DIAPH2: variants seen among roughly 807,000 people sequenced by gnomAD.
The protein encoded by DIAPH2 is protein diaphanous homolog 2.
A neutral mutation model predicts 92.7 loss-of-function variants in DIAPH2; 35 were observed. That is an observed-to-expected ratio of 0.38 (90% CI 0.29 to 0.50). DIAPH2 has a LOEUF of 0.50. Ranked by LOEUF, DIAPH2 falls within the 20% of genes least tolerant of loss-of-function variation. The pLI is 0.94. For missense variants in DIAPH2, 701 were observed against 819.5 expected (o/e 0.86, Z 1.77); for synonymous variants, 301 against 280.4 (o/e 1.07, Z -0.73).
In DIAPH2 at chrX:96,722,803, G is replaced by A. The variant is rs965935450; in HGVS notation, c.133-12955G>A. 3.6e-5 allele frequency among the ~76,000 whole-genome samples: 4 copies of A among 111,658 alleles called. No individual in the cohort carries two copies. In the Admixed American group the frequency reaches 3.8e-4, roughly 11 times the overall value. On this transcript the variant is annotated intron_variant, in intron 1 of 26. Transcript: ENST00000324765. ...GGGAGTAATAAAAAATTCCACTTTT[G>A]TGGTGTTTCCAGGTTTTTTCAAGCA... is the stretch of plus-strand genomic sequence containing the variant.
At chrX:96,732,552 T>G (rs1282174808) in intron 1 of DIAPH2, among the ~76,000 whole-genome samples, 2 of 112,196 alleles carry the variant, frequency 1.8e-5, no homozygotes, top group African/African-American at 6.5e-5. Context: ...TTGAATGAAA[T>G]TTACAAATCA....
intron 22 of DIAPH2, among the ~76,000 whole-genome samples, chrX:97,216,467 G>T (rs948523675): frequency 3.7e-5 from 4 of 107,023 alleles, no homozygotes; most frequent in South Asian, 8.4e-4. Flanking sequence ...ACCATGCCTG[G>T]CTAATTTTTT....
At chrX:97,048,789 C>G (rs140152562) in intron 17 of DIAPH2, among the ~76,000 whole-genome samples, 3,933 of 110,816 alleles carry the variant, frequency 0.035, 85 homozygotes, top group Middle Eastern at 0.083. Context: ...CTTATAAATT[C>G]CCATTTTTCA....
intron 26 of DIAPH2, among the ~76,000 whole-genome samples, chrX:97,598,661 T>C (rs1444763564): frequency 8.9e-6 from 1 of 111,819 alleles, no homozygotes; most frequent in Non-Finnish European, 1.9e-5. Context: ...TTATTCTTCC[T>C]GTGATGGGTG....
At chrX:97,275,688 G>A (rs1772338565) in intron 23 of DIAPH2, among the ~76,000 whole-genome samples, 1 of 108,571 alleles carries the variant, frequency 9.2e-6, no homozygotes, top group African/African-American at 3.4e-5. Context: ...CGGGGCGGCG[G>A]GGCAGAGGCA....
chrX:97,297,250 T>C lies in DIAPH2; in HGVS notation c.2844+49411T>C, dbSNP rs1459612647. Among the ~76,000 whole-genome samples the C allele has an allele frequency of 3.7e-5, 4 of 109,333 alleles. No homozygotes were observed. The East Asian group carries it at 1.1e-3, about 31-fold the overall frequency. The allele number at this position is 109,333 out of a possible 115,157, so 94.9% of individuals were successfully genotyped here. On this transcript the variant is annotated intron_variant, in intron 23 of 26. Transcript: ENST00000324765. ...AAACCAGAACTGTAAGATGGCCTTT[T>C]GGAAATAATTTTCTTAAAGAGCATA...
intron 4 of DIAPH2, among the ~76,000 whole-genome samples, chrX:96,760,253 A>C (rs951013772): frequency 1.8e-5 from 2 of 111,735 alleles, no homozygotes; most frequent in African/African-American, 6.5e-5. Flanking sequence ...TATCATTAAA[A>C]CCACAAAAAT....
intron 17 of DIAPH2, among the ~76,000 whole-genome samples, chrX:96,985,874 T>C (rs1053350512): frequency 9.0e-6 from 1 of 111,143 alleles, no homozygotes; most frequent in Non-Finnish European, 1.9e-5. Flanking sequence ...GGTTTTGAGT[T>C]CCAAGGTCAT....
chrX:97,562,592 G>T (rs1174774734), intron 26 of DIAPH2, among the ~76,000 whole-genome samples: 1 of 111,225 alleles, frequency 9.0e-6, no homozygotes, highest in Non-Finnish European at 1.9e-5. Flanking sequence ...GCTTGCATGA[G>T]GCTGAGCCAG....
intron 22 of DIAPH2, among the ~76,000 whole-genome samples, chrX:97,209,359 T>C (rs922479930): frequency 7.2e-5 from 8 of 111,119 alleles, no homozygotes; most frequent in South Asian, 3.8e-4. Context: ...TAGCAAGAAC[T>C]GCTCATAAAA....
intron 5 of DIAPH2, among the ~76,000 whole-genome samples, chrX:96,909,757 T>G (rs1002185274): frequency 5.4e-5 from 6 of 111,351 alleles, no homozygotes; most frequent in Non-Finnish European, 1.1e-4. Flanking sequence ...GATTGTATCT[T>G]ATTTTTTTTA....
rs1422649888 is a variant in DIAPH2, at chrX:97,601,406, A to AT, written c.*2094dup. On this transcript the variant is annotated 3_prime_UTR_variant, in exon 27 of 27. Transcript: ENST00000324765. ...AAGTACTATTATTGATAACTTATATATTTTTATTTAGAGCAATCCCACATG... is the reference window on the plus strand; with the variant it reads ...AAGTACTATTATTGATAACTTATATATTTTTTATTTAGAGCAATCCCACATG... 1 of 108,320 alleles carries AT rather than the reference A, an allele frequency of 9.2e-6. No individual in the cohort carries two copies. The highest frequency in any genetic ancestry group is 1.9e-5 in the Non-Finnish European group (1 of 52,001). The allele number at this position is 108,320 out of a possible 1,213,427, so 8.9% of individuals were successfully genotyped here.
At chrX:97,101,015 T>C (rs768362241) in intron 20 of DIAPH2, among the ~76,000 whole-genome samples, 2 of 112,315 alleles carry the variant, frequency 1.8e-5, no homozygotes, top group Admixed American at 9.5e-5. Context: ...GTATTTCTCT[T>C]ATTTTTGAAC....
At chrX:96,890,074 A>C (rs921270177) in intron 5 of DIAPH2, among the ~76,000 whole-genome samples, 1 of 111,648 alleles carries the variant, frequency 9.0e-6, no homozygotes, top group Non-Finnish European at 1.9e-5. Flanking sequence ...AACATGTTGT[A>C]CATTACTCAG....
intron 23 of DIAPH2, among the ~76,000 whole-genome samples, chrX:97,319,850 A>G (rs1602504369): frequency 9.2e-6 from 1 of 108,631 alleles, no homozygotes. Flanking sequence ...CTGCAATCCC[A>G]GCACTTTGGG....
At chrX:96,751,647 G>GTTTTTTTTTTTTTTTTTTTTTTTTTTTT (rs1332024432) in intron 3 of DIAPH2, among the ~76,000 whole-genome samples, 22 of 85,018 alleles carry the variant, frequency 2.6e-4, no homozygotes, top group East Asian at 4.5e-4. Context: ...AGACTTCAGT[G>GTTTTTTTTTTTTTTTTTTTTTTTTTTTT]TTTTGTTTTT....
chrX:97,470,418 A>G (rs1179474395), intron 26 of DIAPH2, among the ~76,000 whole-genome samples: 1 of 111,346 alleles, frequency 9.0e-6, no homozygotes, highest in Non-Finnish European at 1.9e-5. Flanking sequence ...AAATGTGTTT[A>G]TATCATTTGC....
chrX:97,312,709 A>C (rs1241112988), intron 23 of DIAPH2, among the ~76,000 whole-genome samples: 1 of 111,361 alleles, frequency 9.0e-6, no homozygotes, highest in African/African-American at 3.3e-5. Flanking sequence ...ATAGAAGTTT[A>C]CTAAAATTAT....
intron 23 of DIAPH2, among the ~76,000 whole-genome samples, chrX:97,303,823 T>G (rs898816079): frequency 8.2e-5 from 9 of 110,361 alleles, no homozygotes; most frequent in Non-Finnish European, 1.5e-4. Context: ...AGCCATGGGG[T>G]GTGTGTGTGT....
Sources: gnomAD v4.1 joint callset for allele counts (sites outside exome capture counted in the v4.1 genomes callset) on GRCh38, gnomAD v4.1.1 for gene constraint, MANE v1.5 for transcripts, NCBI Gene and HGNC (gene_info 2026-07-23, HGNC 2026-07-21) for gene names.